Variants in MAP3K4 observed in about 807,000 individuals in gnomAD.
The protein encoded by MAP3K4 is mitogen-activated protein kinase kinase kinase 4.
Under a neutral mutation model 185.6 loss-of-function variants are expected in MAP3K4, and 67 were observed. The ratio of observed to expected loss-of-function variants is 0.36; its 90% CI spans 0.30 to 0.44. The LOEUF (loss-of-function observed/expected upper bound fraction) is 0.44, where lower values mean the gene tolerates loss of function less well. MAP3K4 is among the 20% of genes least tolerant of loss of function. The pLI is 1.00. For missense variants in MAP3K4, 1,551 were observed against 1,995.1 expected, an observed-to-expected ratio of 0.78 and a Z score of 4.24; for synonymous variants, 702 against 710.4, an observed-to-expected ratio of 0.99 and a Z score of 0.19.
chr6:161,060,395 A>C (rs973389773), intron 3 of MAP3K4, among the ~76,000 whole-genome samples: 1 of 152,126 alleles, frequency 6.6e-6, no homozygotes, highest in African/African-American at 2.4e-5. Context: ...ATTTAAACAT[A>C]TTTGGTATGT....
At chr6:161,024,690 T>G (rs1343861579) in intron 1 of MAP3K4, among the ~76,000 whole-genome samples, 1 of 152,208 alleles carries the variant, frequency 6.6e-6, no homozygotes, top group Admixed American at 6.5e-5. Context: ...TTAAGTGACC[T>G]TGTCATCATA....
chr6:161,021,022 A>G (rs148397828), intron 1 of MAP3K4, among the ~76,000 whole-genome samples: 1 of 152,214 alleles, frequency 6.6e-6, no homozygotes, highest in East Asian at 1.9e-4. Context: ...TTTTCTTCTA[A>G]AATTTTTTAG....
At chr6:161,003,548 G>A (rs1165051270) in intron 1 of MAP3K4, among the ~76,000 whole-genome samples, 2 of 152,144 alleles carry the variant, frequency 1.3e-5, no homozygotes, top group East Asian at 3.9e-4. Flanking sequence ...AGACTGTACT[G>A]CAAGGTACCT....
intron 1 of MAP3K4, among the ~76,000 whole-genome samples, chr6:160,993,867 C>G (rs370192467): frequency 6.8e-6 from 1 of 146,934 alleles, no homozygotes; most frequent in Non-Finnish European, 1.5e-5. Context: ...CAATATTTTT[C>G]TTAGCAACAT....
rs184951496 is a variant in MAP3K4 at position 161,096,431 on chromosome 6, T to C, written c.3428-649T>C. On this transcript the variant is annotated intron_variant, in intron 15 of 26. Coordinates refer to ENST00000392142, the MANE Select transcript of MAP3K4 (RefSeq NM_005922.4). The surrounding 1 kb of genome is among the most constrained non-coding windows in gnomAD (Gnocchi z 4.9). ...AAATATGACGCATGTCCACTAATAC[T>C]GACATCTAGTTATTGGGAAAGTGGA... is the stretch of plus-strand genomic sequence containing the variant. Among the ~76,000 whole-genome samples, 1 of 152,328 alleles carries C rather than the reference T, an allele frequency of 6.6e-6. No individual in the cohort carries two copies. Among genetic ancestry groups the C allele is most frequent in the East Asian group, 1.9e-4 (1 of 5,190 alleles).
At position 160,991,940 on chromosome 6, in the gene MAP3K4, A is replaced by G. The variant is rs752808227; in HGVS notation, c.9A>G (p.Glu3=). The change falls in exon 1 of 27, where the codon GAA becomes GAG. Residue 3 remains glutamate, a synonymous_variant. Coordinates refer to ENST00000392142, the MANE Select transcript of MAP3K4 (RefSeq NM_005922.4). This position sits in a 1 kb window ranked among gnomAD's most constrained non-coding sequence, Gnocchi z 5.7. ...CGGGGCTCCGTGCACGGATGAGAGAAGCCGCTGCCGCGCTGGTCCCTCCTC... is the reference window on the plus strand; with the variant it reads ...CGGGGCTCCGTGCACGGATGAGAGAGGCCGCTGCCGCGCTGGTCCCTCCTC... The part of the protein sequence containing the change: MR[E]AAAALVPPPA... The G allele has an allele frequency of 1.4e-5, 21 of 1,539,844 alleles. No homozygotes were observed. Among genetic ancestry groups the G allele is most frequent in the Non-Finnish European group, 1.7e-5 (20 of 1,151,236 alleles).
chr6:161,080,276 C>T lies in MAP3K4; in HGVS notation c.2098-605C>T, dbSNP rs549638434. Among the ~76,000 whole-genome samples the T allele has an allele frequency of 6.6e-5, 10 of 152,256 alleles. 1 individual carries two copies. Among genetic ancestry groups the T allele is most frequent in the Admixed American group, 3.3e-4 (5 of 15,300 alleles). The stretch of plus-strand genomic sequence containing the variant: ...CTTGATAGTTGAACCCTGCTGACCA[C>T]GGGATAAATCTAAAGGAGGATTTAA... On this transcript the variant is annotated intron_variant, in intron 5 of 26. Coordinates refer to ENST00000392142, the MANE Select transcript of MAP3K4 (RefSeq NM_005922.4). The surrounding 1 kb of genome is among the most constrained non-coding windows in gnomAD (Gnocchi z 4.8).
At chr6:161,033,035 A>G (rs187248823) in intron 1 of MAP3K4, among the ~76,000 whole-genome samples, 2 of 152,276 alleles carry the variant, frequency 1.3e-5, no homozygotes, top group East Asian at 3.9e-4. Flanking sequence ...ATTTTTCAAA[A>G]GGTAATTTAT....
intron 19 of MAP3K4, among the ~76,000 whole-genome samples, chr6:161,104,372 C>CCAT (rs938539477): frequency 2.7e-5 from 4 of 147,938 alleles, no homozygotes; most frequent in Non-Finnish European, 5.9e-5. Flanking sequence ...TGAGATCGCG[C>CCAT]CATCACACTC....
rs1330611788 is a variant in MAP3K4 at position 161,084,890 on chromosome 6, T to C, written c.2372+273T>C. On this transcript the variant is annotated intron_variant, in intron 7 of 26. Coordinates refer to ENST00000392142, the MANE Select transcript of MAP3K4 (RefSeq NM_005922.4). The surrounding 1 kb of genome is among the most constrained non-coding windows in gnomAD (Gnocchi z 4.6). ...GGCTGGGCGCGGTGGCTCACGCCTGTAATCCCAGTACTTTGGGAGGCCGAG... is the reference window on the plus strand; with the variant it reads ...GGCTGGGCGCGGTGGCTCACGCCTGCAATCCCAGTACTTTGGGAGGCCGAG... Among the ~76,000 whole-genome samples, 3 of 152,206 alleles carry C rather than the reference T, an allele frequency of 2.0e-5. No homozygotes were observed. The highest frequency in any genetic ancestry group is 4.4e-5 in the Non-Finnish European group (3 of 68,028).
Position 161,093,917 on chromosome 6 carries a change from A to G in MAP3K4, c.3427+66A>G, listed in dbSNP as rs1777447631. On this transcript the variant is annotated intron_variant, in intron 15 of 26. Coordinates refer to ENST00000392142, the MANE Select transcript of MAP3K4 (RefSeq NM_005922.4). This position sits in a 1 kb window ranked among gnomAD's most constrained non-coding sequence, Gnocchi z 5.2. ...ATTTGAGTGGACAGATCCTCTTGTA[A>G]TTGCAGTCGTTTAAAATGGTATAAG... 1 of 1,195,970 alleles carries G rather than the reference A, an allele frequency of 8.4e-7. No homozygotes were observed. The highest frequency in any genetic ancestry group is 1.2e-6 in the Non-Finnish European group (1 of 812,324). 74.1% of individuals were successfully genotyped at this position (1,195,970 alleles called of 1,614,324 possible).
At chr6:161,041,496 C>T (rs1257969990) in intron 2 of MAP3K4, among the ~76,000 whole-genome samples, 6 of 152,344 alleles carry the variant, frequency 3.9e-5, no homozygotes, top group Non-Finnish European at 1.5e-5. Flanking sequence ...GGAGGACTTG[C>T]CTCTAGGGGC....
In MAP3K4 at chr6:161,069,987, G is replaced by A. The variant is rs143470878; in HGVS notation, c.1708-621G>A. Among the ~76,000 whole-genome samples, 552 of 152,218 alleles carry A rather than the reference G, an allele frequency of 3.6e-3. 4 individuals are homozygous for A. The highest frequency in any genetic ancestry group is 0.012 in the African/African-American group (512 of 41,526). On this transcript the variant is annotated intron_variant, in intron 3 of 26. Transcript: ENST00000392142. ...GGAACAGCTAAAAGAACGGGGGTGG[G>A]GGCGGACAACGCAACACTAGGGTTC...
rs941759290 is a variant in MAP3K4 at position 161,048,001 on chromosome 6, A to G, written c.344-615A>G. Among the ~76,000 whole-genome samples the G allele has an allele frequency of 1.3e-4, 20 of 152,294 alleles. No individual in the cohort carries two copies. Among genetic ancestry groups the G allele is most frequent in the Admixed American group, 3.9e-4 (6 of 15,300 alleles). ...TTGCTAATTTTAAATTTAAAATGTT[A>G]TTGCCCACTTGTTTGTGGCAAAGGA... On this transcript the variant is annotated intron_variant, in intron 2 of 26. Transcript: ENST00000392142. The surrounding 1 kb of genome is among the most constrained non-coding windows in gnomAD (Gnocchi z 4.7).
intron 19 of MAP3K4, among the ~76,000 whole-genome samples, chr6:161,105,971 G>A (rs1462417777): frequency 6.6e-6 from 1 of 151,846 alleles, no homozygotes; most frequent in East Asian, 1.9e-4. Flanking sequence ...AAGTAGCTGG[G>A]ACTACAGGCA....
chr6:161,093,178 TG>T lies in MAP3K4; in HGVS notation c.3348+123del. The T allele has an allele frequency of 3.1e-6, 2 of 646,248 alleles. No homozygotes were observed. The highest frequency in any genetic ancestry group is 5.3e-6 in the Non-Finnish European group (2 of 376,910). 40.0% of individuals were successfully genotyped at this position (646,248 alleles called of 1,614,324 possible). On this transcript the variant is annotated intron_variant, in intron 14 of 26. Coordinates refer to ENST00000392142, the MANE Select transcript of MAP3K4 (RefSeq NM_005922.4). The surrounding 1 kb of genome is among the most constrained non-coding windows in gnomAD (Gnocchi z 5.2). ...ATGAGATATTAATCTCAGCATATCA[TG>T]TAATGATAATGCTGAGAAATTAAAG...
In MAP3K4 at chr6:161,061,210, C is replaced by A. The variant is rs375623391; in HGVS notation, c.1708-9398C>A. On this transcript the variant is annotated intron_variant, in intron 3 of 26. Coordinates refer to ENST00000392142, the MANE Select transcript of MAP3K4 (RefSeq NM_005922.4). This position sits in a 1 kb window ranked among gnomAD's most constrained non-coding sequence, Gnocchi z 4.2. ...TTGAGAAGCCCAATGTTCTGTGATA[C>A]CAGGTGTGACAGAATATCAGATACT... is the stretch of plus-strand genomic sequence containing the variant. 6.6e-6 allele frequency among the ~76,000 whole-genome samples: 1 copy of A among 152,244 alleles called. No individual in the cohort carries two copies. Among genetic ancestry groups the A allele is most frequent in the Non-Finnish European group, 1.5e-5 (1 of 68,030 alleles).
At chr6:161,083,557 G>A (rs1310403620) in intron 6 of MAP3K4, among the ~76,000 whole-genome samples, 1 of 152,148 alleles carries the variant, frequency 6.6e-6, no homozygotes, top group Non-Finnish European at 1.5e-5. Flanking sequence ...ATGGCCGCAG[G>A]ACTTTCCCCT....
At chr6:161,028,978 A>G (rs756491049) in intron 1 of MAP3K4, among the ~76,000 whole-genome samples, 3 of 152,198 alleles carry the variant, frequency 2.0e-5, no homozygotes, top group Admixed American at 6.5e-5. Flanking sequence ...AACTGAGCTT[A>G]GCTCCCTTTG....
Sources: allele counts gnomAD v4.1 joint callset (sites outside exome capture counted in the v4.1 genomes callset), GRCh38; gene constraint gnomAD v4.1.1; non-coding constraint Gnocchi (gnomAD v3.1); transcripts MANE v1.5; gene names NCBI Gene and HGNC (gene_info 2026-07-23, HGNC 2026-07-21).